Variants in ZNF516 observed in about 807,000 individuals in gnomAD.
ZNF516 encodes the protein zinc finger protein 516.
ZNF516 carries 19 observed loss-of-function variants against 79.7 expected under a neutral mutation model. That is an observed-to-expected ratio of 0.24 (90% CI 0.17 to 0.35). The LOEUF (loss-of-function observed/expected upper bound fraction) is 0.35, where lower values mean the gene tolerates loss of function less well. Ranked by LOEUF, ZNF516 falls within the 10% of genes least tolerant of loss-of-function variation. The probability of loss-of-function intolerance (pLI) is 1.00; values close to 1 mark genes in which losing one functional copy is unlikely to be tolerated. For synonymous variants in ZNF516, 877 were observed against 739.5 expected (o/e 1.19, Z -3.02); for missense variants, 1,678 against 1,679.5 (o/e 1.00, Z 0.02).
intron 4 of ZNF516, among the ~76,000 whole-genome samples, chr18:76,372,443 CAG>C (rs1313538094): frequency 2.0e-5 from 3 of 151,804 alleles, no homozygotes; most frequent in African/African-American, 2.4e-5. Flanking sequence ...ACAAAAAAAA[CAG>C]AAATAATAAC....
chr18:76,435,245 C>T (rs768349787), intron 3 of ZNF516, among the ~76,000 whole-genome samples: 2 of 152,176 alleles, frequency 1.3e-5, no homozygotes, highest in Non-Finnish European at 2.9e-5. Flanking sequence ...TTCTCAGTGG[C>T]GGGAAGAAAG....
chr18:76,488,875 A>G (rs1260681988), intron 1 of ZNF516, among the ~76,000 whole-genome samples: 1 of 152,248 alleles, frequency 6.6e-6, no homozygotes, highest in Non-Finnish European at 1.5e-5. Flanking sequence ...TTGGAAATCT[A>G]GTAATAAGCG....
chr18:76,382,771 C>A (rs2074914532), intron 3 of ZNF516, among the ~76,000 whole-genome samples: 1 of 152,156 alleles, frequency 6.6e-6, no homozygotes, highest in African/African-American at 2.4e-5. Context: ...ATTAGCTGGG[C>A]ATGGTGGCCA....
intron 1 of ZNF516, among the ~76,000 whole-genome samples, chr18:76,463,480 A>C (rs1913251371): frequency 6.6e-6 from 1 of 152,244 alleles, no homozygotes; most frequent in Admixed American, 6.5e-5. Flanking sequence ...TCAAAATGTC[A>C]CCAGGGAACA....
In ZNF516 at chr18:76,379,642, G is replaced by A. The variant is rs181998145; in HGVS notation, c.2472C>T (p.Gly824=). The A allele has an allele frequency of 1.9e-5, 31 of 1,613,664 alleles. No individual in the cohort carries two copies. In the Admixed American group the frequency reaches 4.0e-4, roughly 21 times the overall value. ...GRTGPPPALG[G]KECQPLLLAR... ...CAAGGAGCAAAGGCTGGCATTCTTT[G>A]CCACCGAGGGCAGGCGGGGGGCCCG... The change falls in exon 4 of 7, where the codon GGC becomes GGT. Residue 824 remains glycine, a synonymous_variant. Coordinates refer to ENST00000443185, the MANE Select transcript of ZNF516 (RefSeq NM_014643.4).
intron 3 of ZNF516, among the ~76,000 whole-genome samples, chr18:76,411,746 T>C (rs1400043885): frequency 2.6e-5 from 4 of 152,108 alleles, no homozygotes; most frequent in South Asian, 2.1e-4. Context: ...TTGACCTTCC[T>C]TTTTCATCCA....
intron 3 of ZNF516, among the ~76,000 whole-genome samples, chr18:76,390,943 G>C (rs2075063406): frequency 6.6e-6 from 1 of 152,090 alleles, no homozygotes; most frequent in Non-Finnish European, 1.5e-5. Flanking sequence ...ATCAGGCTGA[G>C]AGCTCAAGCC....
chr18:76,368,821 A>G (rs1269429566), intron 6 of ZNF516, among the ~76,000 whole-genome samples: 1 of 152,242 alleles, frequency 6.6e-6, no homozygotes, highest in East Asian at 1.9e-4. Flanking sequence ...ATTATTTAAA[A>G]TAGTCTAAAT....
At chr18:76,368,997 C>T (rs576433934) in intron 6 of ZNF516, among the ~76,000 whole-genome samples, 14 of 152,306 alleles carry the variant, frequency 9.2e-5, no homozygotes, top group African/African-American at 2.9e-4. Flanking sequence ...AACATTCCTA[C>T]CCAAAAGCCA....
In ZNF516 at chr18:76,467,773, G is replaced by A. The variant is rs1215180661; in HGVS notation, c.-271-4632C>T. On this transcript the variant is annotated intron_variant, in intron 1 of 6. Transcript: ENST00000443185. This position sits in a 1 kb window ranked among gnomAD's most constrained non-coding sequence, Gnocchi z 4.2. ...ATTTGCAGGCATGTTCAAACTGTAA[G>A]CCCGTTCGATTCCTGAGTTATTTTT... Among the ~76,000 whole-genome samples the A allele has an allele frequency of 6.6e-6, 1 of 152,214 alleles. No individual in the cohort carries two copies. The highest frequency in any genetic ancestry group is 1.9e-4 in the East Asian group (1 of 5,204).
Position 76,379,943 on chromosome 18 carries a change from C to G in ZNF516, c.2171G>C (p.Arg724Pro), listed in dbSNP as rs746831279. 1.7e-5 allele frequency: 27 copies of G among 1,613,846 alleles called. No individual in the cohort carries two copies. Among genetic ancestry groups the G allele is most frequent in the Non-Finnish European group, 2.1e-5 (25 of 1,179,900 alleles). ...HNKEHSGGGK[R>P]ALAPDLMPLD... ...CGGCATGAGGTCTGGGGCCAGCGCC[C>G]GCTTCCCTCCCCCAGAGTGTTCCTT... The change falls in exon 4 of 7, where the codon CGG becomes CCG. Residue 724 changes from arginine to proline, a missense_variant. Arg to Pro is a moderately radical substitution (Grantham distance 103). Transcript: ENST00000443185.
intron 1 of ZNF516, among the ~76,000 whole-genome samples, chr18:76,491,306 A>G (rs1332902464): frequency 2.3e-5 from 1 of 43,580 alleles, no homozygotes; most frequent in East Asian, 8.5e-4. Context: ...GGCCCTCCAC[A>G]GCCCCATCCG....
At chr18:76,384,052 C>T (rs62110870) in intron 3 of ZNF516, among the ~76,000 whole-genome samples, 5 of 152,134 alleles carry the variant, frequency 3.3e-5, no homozygotes, top group Non-Finnish European at 7.4e-5. Context: ...AAGGGGACCA[C>T]GACACCCATC....
In ZNF516 at chr18:76,467,436, C is replaced by T. The variant is rs577139978; in HGVS notation, c.-271-4295G>A. ...CCAGAGAGGAAATGATTTGGGCAAA[C>T]GCTCTGCCCTGAGATCTCTCTCGCC... On this transcript the variant is annotated intron_variant, in intron 1 of 6. Coordinates refer to ENST00000443185, the MANE Select transcript of ZNF516 (RefSeq NM_014643.4). The surrounding 1 kb of genome is among the most constrained non-coding windows in gnomAD (Gnocchi z 4.2). Among the ~76,000 whole-genome samples, 3 of 152,290 alleles carry T rather than the reference C, an allele frequency of 2.0e-5. No individual in the cohort carries two copies. Among genetic ancestry groups the T allele is most frequent in the South Asian group, 2.1e-4 (1 of 4,828 alleles).
At position 76,381,172 on chromosome 18, in the gene ZNF516, AGGTGTG is replaced by A. The variant is rs2074886956; in HGVS notation, c.1811-875_1811-870del. ...CGTGAGACAGGGAGAAACACAGCCGAGGTGTGGGCTGTGCTCGGAGGTTTTAAGGCT... is the reference window on the plus strand; with the variant it reads ...CGTGAGACAGGGAGAAACACAGCCGAGGCTGTGCTCGGAGGTTTTAAGGCT... On this transcript the variant is annotated intron_variant, in intron 3 of 6. Coordinates refer to ENST00000443185, the MANE Select transcript of ZNF516 (RefSeq NM_014643.4). Among the ~76,000 whole-genome samples the A allele has an allele frequency of 2.6e-5, 4 of 152,298 alleles. No homozygotes were observed. In the South Asian group the frequency reaches 8.3e-4, roughly 32 times the overall value.
intron 1 of ZNF516, chr18:76,490,178 C>T (rs1289310644): frequency 2.0e-6 from 2 of 985,382 alleles, no homozygotes; most frequent in Non-Finnish European, 2.4e-6. Flanking sequence ...TCAAGATGGC[C>T]ATGGGGGTCA....
upstream of ZNF516, chr18:76,495,251 C>A (rs1915435463): frequency 6.8e-6 from 1 of 146,310 alleles, no homozygotes; most frequent in African/African-American, 2.5e-5. Context: ...CTAGACCGAC[C>A]GCGCCAGCTG....
At chr18:76,421,195 G>A (rs1568276877) in intron 3 of ZNF516, among the ~76,000 whole-genome samples, 1 of 152,188 alleles carries the variant, frequency 6.6e-6, no homozygotes, top group Non-Finnish European at 1.5e-5. Flanking sequence ...TTACACTTAG[G>A]AAGTCATTCT....
At chr18:76,395,199 T>C (rs545900380) in intron 3 of ZNF516, among the ~76,000 whole-genome samples, 1 of 151,996 alleles carries the variant, frequency 6.6e-6, no homozygotes, top group Non-Finnish European at 1.5e-5. Context: ...GCAGAGTGGG[T>C]TTCCCACACA....
Sources: allele counts gnomAD v4.1 joint callset (sites outside exome capture counted in the v4.1 genomes callset), GRCh38; gene constraint gnomAD v4.1.1; non-coding constraint Gnocchi (gnomAD v3.1); transcripts MANE v1.5; gene names NCBI Gene and HGNC (gene_info 2026-07-23, HGNC 2026-07-21).